ZCWPW2: variants seen among roughly 807,000 people sequenced by gnomAD.
ZCWPW2 encodes the protein zinc finger CW-type PWWP domain protein 2.
In ZCWPW2, 45 loss-of-function variants were observed where a neutral mutation model predicts 46.6. The ratio of observed to expected loss-of-function variants is 0.96; its 90% CI spans 0.76 to 1.24. ZCWPW2 has a LOEUF of 1.24. Among genes scored for constraint, ZCWPW2 ranks in the 50% most tolerant of loss-of-function variants. The pLI is 0.00. For synonymous variants in ZCWPW2, 152 were observed against 137.1 expected, an observed-to-expected ratio of 1.11 and a Z score of -0.76; for missense variants, 429 against 403.9, an observed-to-expected ratio of 1.06 and a Z score of -0.53.
chr3:28,472,015 AC>A (rs1699054943), intron 4 of ZCWPW2, among the ~76,000 whole-genome samples: 2 of 152,164 alleles, frequency 1.3e-5, no homozygotes, highest in Admixed American at 1.3e-4. Flanking sequence ...AATTATCTCA[AC>A]CAAAAAAGTG....
chr3:28,521,611 T>A (rs764701391), intron 9 of ZCWPW2, among the ~76,000 whole-genome samples: 1 of 152,256 alleles, frequency 6.6e-6, no homozygotes, highest in Non-Finnish European at 1.5e-5. Flanking sequence ...CCTCCTTTTT[T>A]AATTTTTTCA....
chr3:28,466,715 C>T (rs1698837455), intron 4 of ZCWPW2, among the ~76,000 whole-genome samples: 1 of 152,086 alleles, frequency 6.6e-6, no homozygotes, highest in Non-Finnish European at 1.5e-5. Context: ...ACGAAAATTG[C>T]TTGAACCCAG....
At position 28,445,372 on chromosome 3, in the gene ZCWPW2, A is replaced by T. The variant is rs145929470; in HGVS notation, c.492+10103A>T. 1.9e-4 allele frequency among the ~76,000 whole-genome samples: 29 copies of T among 152,180 alleles called. 1 individual carries two copies. Among genetic ancestry groups the T allele is most frequent in the African/African-American group, 6.7e-4 (28 of 41,538 alleles). On this transcript the variant is annotated intron_variant, in intron 4 of 9. Transcript: ENST00000383768. ...AATTATTAGTTTATATTTTTGGGCA[A>T]ACAACATATAAAGATGAAATTTCGT...
At chr3:28,380,918 A>AATATATATATATTTGGTATATATAT (rs1695025647) in intron 1 of ZCWPW2, among the ~76,000 whole-genome samples, 1 of 113,026 alleles carries the variant, frequency 8.8e-6, no homozygotes, top group African/African-American at 3.4e-5. Context: ...AACTTTACCA[A>AATATATATATATTTGGTATATATAT]ATATATATAT....
chr3:28,508,311 T>C (rs1296488209), intron 6 of ZCWPW2, among the ~76,000 whole-genome samples: 2 of 152,146 alleles, frequency 1.3e-5, no homozygotes, highest in East Asian at 1.9e-4. Context: ...ATTGCACCAA[T>C]ATTTTAGATA....
chr3:28,514,012 A>G, intron 6 of ZCWPW2, 52 bp from the exon 7 acceptor site: 2 of 1,397,444 alleles, frequency 1.4e-6, no homozygotes, highest in Admixed American at 2.5e-5. Flanking sequence ...TATTTTACTG[A>G]GCTGATTTAG....
intron 4 of ZCWPW2, among the ~76,000 whole-genome samples, chr3:28,441,632 C>A (rs1172662520): frequency 6.6e-6 from 1 of 152,130 alleles, no homozygotes; most frequent in Non-Finnish European, 1.5e-5. Flanking sequence ...GGTGGCAGGA[C>A]TGGAGACCGT....
chr3:28,461,614 A>T (rs1698640163), intron 4 of ZCWPW2: 1 of 152,112 alleles, frequency 6.6e-6, no homozygotes, highest in African/African-American at 2.4e-5. Context: ...GTTGTTTTTC[A>T]TGCCACCTTG....
intron 4 of ZCWPW2, among the ~76,000 whole-genome samples, chr3:28,439,102 C>CACACACACCATAGGATATATATAT (rs1697621972): frequency 6.9e-6 from 1 of 144,306 alleles, no homozygotes; most frequent in Non-Finnish European, 1.5e-5. Context: ...TATATACACA[C>CACACACACCATAGGATATATATAT]ACACACACCA....
At chr3:28,438,203 C>A (rs1375808619) in intron 4 of ZCWPW2, among the ~76,000 whole-genome samples, 1 of 152,256 alleles carries the variant, frequency 6.6e-6, no homozygotes, top group East Asian at 1.9e-4. Flanking sequence ...AAGGTACAGA[C>A]AATGAAAGGG....
intron 3 of ZCWPW2, among the ~76,000 whole-genome samples, chr3:28,425,436 A>G (rs1696967446): frequency 1.3e-5 from 2 of 152,212 alleles, no homozygotes; most frequent in Non-Finnish European, 2.9e-5. Context: ...CAAATATTAG[A>G]TCTTAATTAA....
chr3:28,503,975 C>G (rs1452675379), intron 6 of ZCWPW2, among the ~76,000 whole-genome samples: 1 of 151,868 alleles, frequency 6.6e-6, no homozygotes, highest in Non-Finnish European at 1.5e-5. Context: ...GCAGGTGGAT[C>G]GCTTGAGCCC....
intron 6 of ZCWPW2, among the ~76,000 whole-genome samples, chr3:28,506,378 A>C (rs1047008811): frequency 2.0e-5 from 3 of 152,020 alleles, no homozygotes; most frequent in African/African-American, 7.2e-5. Flanking sequence ...TAGGGTGGGC[A>C]TAAAAATTTG....
chr3:28,420,599 A>C (rs1263784501), intron 3 of ZCWPW2, among the ~76,000 whole-genome samples: 3 of 140,646 alleles, frequency 2.1e-5, no homozygotes, highest in Non-Finnish European at 4.7e-5. Flanking sequence ...TTTTTTCATT[A>C]CTTGTATTAC....
chr3:28,522,116 G>A (rs758683176), intron 9 of ZCWPW2, among the ~76,000 whole-genome samples: 38 of 152,138 alleles, frequency 2.5e-4, no homozygotes, highest in Non-Finnish European at 4.3e-4. Flanking sequence ...GCCTGTCATG[G>A]GGTGGAGGGA....
chr3:28,434,868 C>A (rs1023028843), intron 3 of ZCWPW2, among the ~76,000 whole-genome samples: 1 of 151,960 alleles, frequency 6.6e-6, no homozygotes, highest in Non-Finnish European at 1.5e-5. Context: ...CTTTATAATT[C>A]TTTCCTCATG....
chr3:28,489,703 C>T (rs1342656002), intron 5 of ZCWPW2, among the ~76,000 whole-genome samples: 3 of 150,370 alleles, frequency 2.0e-5, no homozygotes, highest in Non-Finnish European at 3.0e-5. Flanking sequence ...CACACACACA[C>T]ACCCCATGTC....
intron 4 of ZCWPW2, among the ~76,000 whole-genome samples, chr3:28,446,973 T>C (rs1174058280): frequency 6.6e-6 from 1 of 152,058 alleles, no homozygotes; most frequent in Non-Finnish European, 1.5e-5. Context: ...CATGAAGAAA[T>C]AGAAAACCTG....
intron 1 of ZCWPW2, among the ~76,000 whole-genome samples, chr3:28,365,069 T>G (rs1198606501): frequency 2.0e-5 from 3 of 151,868 alleles, no homozygotes; most frequent in Non-Finnish European, 4.4e-5. Context: ...ATGAGTAGAT[T>G]GCAAAAATTT....
Sources: gnomAD v4.1 joint callset for allele counts (sites outside exome capture counted in the v4.1 genomes callset) on GRCh38, gnomAD v4.1.1 for gene constraint, MANE v1.5 for transcripts, NCBI Gene and HGNC (gene_info 2026-07-23, HGNC 2026-07-21) for gene names.